The following STXBP5 variants were observed in gnomAD, a reference collection of about 807,000 sequenced individuals.
STXBP5 encodes the protein syntaxin binding protein 5.
In STXBP5, 50 loss-of-function variants were observed where a neutral mutation model predicts 152.4. The ratio of observed to expected loss-of-function variants is 0.33; its 90% CI spans 0.26 to 0.42. The LOEUF is 0.42. STXBP5 is among the 10% of genes least tolerant of loss of function. STXBP5 has a pLI of 1.00. For missense variants in STXBP5, 1,167 were observed against 1,388.6 expected, an observed-to-expected ratio of 0.84 and a Z score of 2.54; for synonymous variants, 492 against 494.7, an observed-to-expected ratio of 0.99 and a Z score of 0.07.
chr6:147,373,658 C>G (rs1785670930), intron 25 of STXBP5, 73 bp from the exon 26 acceptor site: 4 of 1,049,552 alleles, frequency 3.8e-6, no homozygotes, highest in Non-Finnish European at 5.9e-6. Flanking sequence ...AAGGAGTTTA[C>G]AGTGATACTT....
chr6:147,241,347 A>G (rs1335820574), intron 4 of STXBP5, among the ~76,000 whole-genome samples: 3 of 152,192 alleles, frequency 2.0e-5, no homozygotes, highest in East Asian at 1.9e-4. Flanking sequence ...GAACAATTCT[A>G]TGTATTTTGA....
chr6:147,383,122 C>A, intron 27 of STXBP5, 124 bp downstream of exon 27: 1 of 1,180,046 alleles, frequency 8.5e-7, no homozygotes, highest in Non-Finnish European at 1.2e-6. Flanking sequence ...TGTACAATTG[C>A]AAGTTCCTGA....
chr6:147,375,809 A>G (rs917672823), intron 26 of STXBP5, among the ~76,000 whole-genome samples: 2 of 152,046 alleles, frequency 1.3e-5, no homozygotes, highest in Admixed American at 6.6e-5. Flanking sequence ...GAGAAAAATT[A>G]TAGATATTTT....
At chr6:147,287,296 G>A (rs978124986) in intron 8 of STXBP5, among the ~76,000 whole-genome samples, 12 of 128,756 alleles carry the variant, frequency 9.3e-5, no homozygotes, top group East Asian at 2.5e-4. Context: ...TCCGCCTCCC[G>A]GGTTCATGCC....
chr6:147,371,305 AT>A (rs1785529347), intron 25 of STXBP5, among the ~76,000 whole-genome samples: 1 of 152,104 alleles, frequency 6.6e-6, no homozygotes, highest in African/African-American at 2.4e-5. Context: ...CAAAACCTTT[AT>A]ATTAAGACTG....
At chr6:147,337,913 A>T (rs568495320) in intron 19 of STXBP5, among the ~76,000 whole-genome samples, 1 of 152,092 alleles carries the variant, frequency 6.6e-6, no homozygotes, top group Non-Finnish European at 1.5e-5. Context: ...GGTTCTGCCA[A>T]TGCTGGCAGG....
At chr6:147,337,499 ACCT>A (rs1032681265) in intron 19 of STXBP5, among the ~76,000 whole-genome samples, 5 of 151,976 alleles carry the variant, frequency 3.3e-5, no homozygotes, top group South Asian at 2.1e-4. Flanking sequence ...AGAAAAATAA[ACCT>A]CCTTGTTTTG....
At chr6:147,205,371 C>CATATATATATATATATATAT (rs66619063) in intron 1 of STXBP5, among the ~76,000 whole-genome samples, 99 of 141,884 alleles carry the variant, frequency 7.0e-4, no homozygotes, top group Non-Finnish European at 1.0e-3. Context: ...TAAAAGTGTG[C>CATATATATATATATATATAT]ATATATATAT....
chr6:147,369,154 C>A (rs148105284), intron 25 of STXBP5, among the ~76,000 whole-genome samples: 27 of 151,692 alleles, frequency 1.8e-4, no homozygotes, highest in Non-Finnish European at 3.5e-4. Flanking sequence ...AATAGAATAT[C>A]CAGAAATAAA....
At chr6:147,248,792 C>A (rs1270799339) in intron 4 of STXBP5, among the ~76,000 whole-genome samples, 1 of 152,102 alleles carries the variant, frequency 6.6e-6, no homozygotes, top group Non-Finnish European at 1.5e-5. Flanking sequence ...TATTTCAGTT[C>A]CCAAATTAGT....
intron 9 of STXBP5, among the ~76,000 whole-genome samples, chr6:147,307,221 TGA>T (rs1430148999): frequency 1.3e-5 from 2 of 152,196 alleles, no homozygotes; most frequent in African/African-American, 4.8e-5. Flanking sequence ...GCTTCCAAAC[TGA>T]CGTCTTTCTA....
At chr6:147,299,806 T>C (rs980040726) in intron 9 of STXBP5, among the ~76,000 whole-genome samples, 1 of 152,032 alleles carries the variant, frequency 6.6e-6, no homozygotes, top group Non-Finnish European at 1.5e-5. Flanking sequence ...AACATAGTAC[T>C]GGAAGTCTTA....
chr6:147,280,773 A>G (rs1322037939), intron 8 of STXBP5, among the ~76,000 whole-genome samples: 1 of 152,190 alleles, frequency 6.6e-6, no homozygotes, highest in Non-Finnish European at 1.5e-5. Context: ...ACTAGCTAAA[A>G]TTATTTTTAA....
chr6:147,296,653 G>T lies in STXBP5; in HGVS notation c.917+5481G>T, dbSNP rs576615682. Reference sequence around the variant, plus strand: ...CCAAAGAAGAGGAAATTTACAATATGCCCATAAAGAAATTCAAAATAATGG... The same window carrying T: ...CCAAAGAAGAGGAAATTTACAATATTCCCATAAAGAAATTCAAAATAATGG... On this transcript the variant is annotated intron_variant, in intron 9 of 27. Transcript: ENST00000321680. Among the ~76,000 whole-genome samples the T allele has an allele frequency of 7.7e-4, 117 of 152,178 alleles. 1 individual carries two copies. The highest frequency in any genetic ancestry group is 1.2e-3 in the Non-Finnish European group (83 of 67,998).
intron 26 of STXBP5, among the ~76,000 whole-genome samples, chr6:147,380,373 T>C (rs1007916470): frequency 6.7e-6 from 1 of 149,514 alleles, no homozygotes; most frequent in African/African-American, 2.5e-5. Context: ...TGTTTTTTTT[T>C]ACAAGGACGC....
In STXBP5 at chr6:147,388,240, G is replaced by T. The variant is rs1039978464; in HGVS notation, c.*3485G>T. 6.6e-6 allele frequency: 1 copy of T among 151,616 alleles called. No homozygotes were observed. The highest frequency in any genetic ancestry group is 6.6e-5 in the Admixed American group (1 of 15,186). The allele number at this position is 151,616 out of a possible 1,614,324, so 9.4% of individuals were successfully genotyped here. ...TGTGTATAAAACATACCAAAATCAT[G>T]AATATGCTGCTAGCTGTACCTTAAA... is the stretch of plus-strand genomic sequence containing the variant. On this transcript the variant is annotated 3_prime_UTR_variant, in exon 28 of 28. Coordinates refer to ENST00000321680, the MANE Select transcript of STXBP5 (RefSeq NM_001127715.4).
intron 8 of STXBP5, among the ~76,000 whole-genome samples, chr6:147,283,842 A>G (rs1780821934): frequency 6.6e-6 from 1 of 152,126 alleles, no homozygotes; most frequent in East Asian, 1.9e-4. Context: ...TTGTACACTC[A>G]TTTAGGAGGG....
In STXBP5 at chr6:147,316,310, G is replaced by A. The variant is rs959329086; in HGVS notation, c.1705G>A (p.Val569Met). 4 of 1,613,692 alleles carry A rather than the reference G, an allele frequency of 2.5e-6. No individual in the cohort carries two copies. Among genetic ancestry groups the A allele is most frequent in the African/African-American group, 2.7e-5 (2 of 74,886 alleles). Residue 569 changes from valine (V) to methionine (M), a missense_variant, in exon 16 of 28, where the codon GTG (valine) becomes ATG (methionine). Coordinates refer to ENST00000321680, the MANE Select transcript of STXBP5 (RefSeq NM_001127715.4). ...GEQPPPLPTP[V>M]GGSNPQPIPP... ...GCAGCCACCACCTTTGCCAACACCC[G>A]TGGGAGGGTCCAACCCTCAGCCCAT...
chr6:147,320,444 CTCTACCAT>C (rs1395792843), intron 16 of STXBP5, among the ~76,000 whole-genome samples: 1 of 152,088 alleles, frequency 6.6e-6, no homozygotes, highest in Non-Finnish European at 1.5e-5. Flanking sequence ...TACATAGGGA[CTCTACCAT>C]TCCTGGGATA....
Sources: allele counts gnomAD v4.1 joint callset (sites outside exome capture counted in the v4.1 genomes callset), GRCh38; gene constraint gnomAD v4.1.1; transcripts MANE v1.5; gene names NCBI Gene and HGNC (gene_info 2026-07-23, HGNC 2026-07-21).